PRKD1: variants seen among roughly 807,000 people sequenced by gnomAD.
The protein encoded by PRKD1 is protein kinase D1.
In PRKD1, 63 loss-of-function variants were observed where a neutral mutation model predicts 95.9. The observed-to-expected ratio is 0.66, with a 90% CI of 0.54 to 0.81. PRKD1 has a LOEUF of 0.81. PRKD1 is among the 30% of genes least tolerant of loss of function. The pLI is 0.00. For synonymous variants in PRKD1, 425 were observed against 423.1 expected (o/e 1.00, Z -0.05); for missense variants, 1,048 against 1,165.3 (o/e 0.90, Z 1.47).
chr14:29,828,621 A>G (rs1463040750), intron 1 of PRKD1, among the ~76,000 whole-genome samples: 2 of 152,188 alleles, frequency 1.3e-5, no homozygotes, highest in African/African-American at 2.4e-5. Flanking sequence ...ACACATTCAT[A>G]AAGAAATTCA....
chr14:29,688,966 A>G (rs12886336), intron 2 of PRKD1, among the ~76,000 whole-genome samples: 1 of 150,260 alleles, frequency 6.7e-6, no homozygotes, highest in Non-Finnish European at 1.5e-5. Flanking sequence ...AAAAAAAAAA[A>G]AAAAAAAGAA....
chr14:29,669,924 CT>C (rs1403089825), intron 2 of PRKD1, among the ~76,000 whole-genome samples: 1 of 152,128 alleles, frequency 6.6e-6, no homozygotes, highest in Admixed American at 6.6e-5. Flanking sequence ...TTTAAACTTC[CT>C]TTCATTCACC....
At chr14:29,593,916 G>A (rs891010900) in intron 16 of PRKD1, among the ~76,000 whole-genome samples, 11 of 152,108 alleles carry the variant, frequency 7.2e-5, no homozygotes, top group South Asian at 2.1e-4. Flanking sequence ...TATTTCTATA[G>A]GTTCCTAAAT....
intron 1 of PRKD1, among the ~76,000 whole-genome samples, chr14:29,885,907 C>A (rs1461244746): frequency 2.7e-5 from 4 of 150,790 alleles, no homozygotes; most frequent in Admixed American, 2.0e-4. Flanking sequence ...GTGGAGGTTG[C>A]AGGGAGCTAA....
intron 1 of PRKD1, among the ~76,000 whole-genome samples, chr14:29,759,867 T>C (rs1035563815): frequency 2.0e-5 from 3 of 152,234 alleles, no homozygotes; most frequent in Non-Finnish European, 4.4e-5. Context: ...TCATTTTGAC[T>C]AAGGGAGACT....
intron 2 of PRKD1, among the ~76,000 whole-genome samples, chr14:29,716,094 G>C (rs1885594773): frequency 6.6e-6 from 1 of 152,076 alleles, no homozygotes; most frequent in South Asian, 2.1e-4. Context: ...CCAGAGCATA[G>C]AGACAAAAGT....
At chr14:29,793,032 C>A (rs1229417504) in intron 1 of PRKD1, among the ~76,000 whole-genome samples, 2 of 151,882 alleles carry the variant, frequency 1.3e-5, no homozygotes, top group Admixed American at 6.6e-5. Flanking sequence ...AAAAACTTCA[C>A]ACTCTATCAT....
At chr14:29,859,683 T>C (rs2139356248) in intron 1 of PRKD1, among the ~76,000 whole-genome samples, 1 of 151,768 alleles carries the variant, frequency 6.6e-6, no homozygotes, top group African/African-American at 2.4e-5. Flanking sequence ...GATAAATAAG[T>C]AAAATAAAAT....
intron 1 of PRKD1, among the ~76,000 whole-genome samples, chr14:29,834,292 A>C (rs1035018731): frequency 4.6e-5 from 7 of 151,972 alleles, no homozygotes; most frequent in Non-Finnish European, 8.8e-5. Flanking sequence ...CCATTGATCT[A>C]CTTTGTTTGT....
chr14:29,884,722 A>G (rs1370747998), intron 1 of PRKD1, among the ~76,000 whole-genome samples: 1 of 152,224 alleles, frequency 6.6e-6, no homozygotes, highest in Non-Finnish European at 1.5e-5. Context: ...GCATACAAGT[A>G]GTTCACTGAG....
chr14:29,927,241 C>T lies in PRKD1; in HGVS notation c.264+8G>A. On this transcript the variant is annotated splice_region_variant and intron_variant, in intron 1 of 17. Transcript: ENST00000331968. ...AGGCGCCGGGCTGGCAGCGGTGCGG[C>T]GACTTACCTTCTGGTCGACAATGGA... The T allele has an allele frequency of 1.3e-6, 2 of 1,492,490 alleles. No homozygotes were observed. The highest frequency in any genetic ancestry group is 1.8e-6 in the Non-Finnish European group (2 of 1,120,894). 92.5% of individuals were successfully genotyped at this position (1,492,490 alleles called of 1,614,324 possible).
chr14:29,682,892 G>A (rs1883613980), intron 2 of PRKD1, among the ~76,000 whole-genome samples: 1 of 152,200 alleles, frequency 6.6e-6, no homozygotes, highest in South Asian at 2.1e-4. Context: ...AGTTGAAGGA[G>A]TGTCAGTCAT....
chr14:29,906,961 G>A (rs1428790096), intron 1 of PRKD1, among the ~76,000 whole-genome samples: 1 of 152,048 alleles, frequency 6.6e-6, no homozygotes, highest in African/African-American at 2.4e-5. Context: ...GCATAATTTT[G>A]TTCTTAAAAT....
At chr14:29,852,107 G>A (rs1262021696) in intron 1 of PRKD1, among the ~76,000 whole-genome samples, 1 of 151,954 alleles carries the variant, frequency 6.6e-6, no homozygotes, top group Non-Finnish European at 1.5e-5. Context: ...AGAAACAAGG[G>A]TTTAAAAACT....
chr14:29,686,532 G>A (rs1883880476), intron 2 of PRKD1, among the ~76,000 whole-genome samples: 1 of 152,140 alleles, frequency 6.6e-6, no homozygotes. Context: ...CCTTCTGGAG[G>A]TTCAGCCTCA....
intron 6 of PRKD1, 26 bp from the exon 7 acceptor site, chr14:29,636,520 G>C: frequency 6.2e-7 from 1 of 1,611,120 alleles, no homozygotes; most frequent in Non-Finnish European, 8.5e-7. Flanking sequence ...CACCCATGAA[G>C]ATAAGCCTGG....
chr14:29,838,093 A>C (rs1891681275), intron 1 of PRKD1, among the ~76,000 whole-genome samples: 1 of 152,086 alleles, frequency 6.6e-6, no homozygotes, highest in Non-Finnish European at 1.5e-5. Flanking sequence ...ACAGGAGAAG[A>C]CCTCAGCATG....
intron 1 of PRKD1, among the ~76,000 whole-genome samples, chr14:29,763,835 T>C (rs1188297206): frequency 6.6e-6 from 1 of 152,176 alleles, no homozygotes; most frequent in Non-Finnish European, 1.5e-5. Context: ...AGTTCAGAAC[T>C]AGCCGCAGCA....
chr14:29,737,691 G>C (rs4627232), intron 1 of PRKD1, among the ~76,000 whole-genome samples: 26,935 of 152,172 alleles, frequency 0.18, 2,642 homozygotes, highest in South Asian at 0.26. Flanking sequence ...AAAAAATTGA[G>C]TGATAATGTC....
Sources: gnomAD v4.1 joint callset for allele counts (sites outside exome capture counted in the v4.1 genomes callset) on GRCh38, gnomAD v4.1.1 for gene constraint, MANE v1.5 for transcripts, NCBI Gene and HGNC (gene_info 2026-07-23, HGNC 2026-07-21) for gene names.